CC2D2A: variants seen among roughly 807,000 people sequenced by gnomAD.
CC2D2A encodes the protein coiled-coil and C2 domain-containing protein 2A.
Under a neutral mutation model 212.9 loss-of-function variants are expected in CC2D2A, and 155 were observed. That is an observed-to-expected ratio of 0.73 (90% CI 0.64 to 0.83). The LOEUF (loss-of-function observed/expected upper bound fraction) is 0.83. Among genes scored for constraint, CC2D2A ranks in the 40% least tolerant of loss-of-function variants. The probability of loss-of-function intolerance (pLI) is 0.00; values close to 1 mark genes in which losing one functional copy is unlikely to be tolerated. For missense variants in CC2D2A, 1,856 were observed against 1,956.2 expected (o/e 0.95, Z 0.97); for synonymous variants, 667 against 686.5 (o/e 0.97, Z 0.44).
intron 4 of CC2D2A, among the ~76,000 whole-genome samples, chr4:15,488,383 T>G (rs982131366): frequency 1.3e-5 from 2 of 152,230 alleles, no homozygotes; most frequent in Non-Finnish European, 2.9e-5. Flanking sequence ...GCACTTTGAA[T>G]ATATCATCCC....
At chr4:15,494,764 A>AT (rs1007451277) in intron 4 of CC2D2A, among the ~76,000 whole-genome samples, 1 of 151,976 alleles carries the variant, frequency 6.6e-6, no homozygotes, top group Non-Finnish European at 1.5e-5. Context: ...CACTAATTAC[A>AT]TTTTTTTTAA....
intron 31 of CC2D2A, among the ~76,000 whole-genome samples, chr4:15,587,355 G>A (rs1461158745): frequency 1.3e-5 from 2 of 152,122 alleles, no homozygotes; most frequent in Non-Finnish European, 2.9e-5. Context: ...CCACAGCTGG[G>A]GGACTGGGGA....
In CC2D2A at chr4:15,528,681, T is replaced by C. The variant is rs1717642391; in HGVS notation, c.1421T>C (p.Leu474Pro). Residue 474 changes from leucine (L) to proline (P), a missense_variant, in exon 13 of 37, where the codon CTC becomes CCC. Physicochemically the swap from Leu to Pro is moderately conservative, Grantham distance 98. Around this residue, in one of 5 missense-constraint regions of CC2D2A, gnomAD observed 1,512 missense variants for 1,579.3 expected, o/e 0.96. Transcript: ENST00000424120. Reference sequence around the variant, plus strand: ...GATCCAGAAAAACCTCATCAGTCTCTCGATACCATCCAAAAAACCATCAAT... The same window carrying C: ...GATCCAGAAAAACCTCATCAGTCTCCCGATACCATCCAAAAAACCATCAAT... Reference protein sequence around the residue: ...GLDPEKPHQSLDTIQKTINEY... With the variant: ...GLDPEKPHQSPDTIQKTINEY... The C allele has an allele frequency of 6.2e-7, 1 of 1,613,656 alleles. No homozygotes were observed. Among genetic ancestry groups the C allele is most frequent in the African/African-American group, 1.3e-5 (1 of 75,048 alleles).
rs1409338849 is a variant in CC2D2A at position 15,570,432 on chromosome 4, G to A, written c.3530G>A (p.Arg1177His). 19 of 1,607,734 alleles carry A rather than the reference G, an allele frequency of 1.2e-5. No individual in the cohort carries two copies. Among genetic ancestry groups the A allele is most frequent in the East Asian group, 6.7e-5 (3 of 44,794 alleles). Residue 1177 changes from arginine to histidine, a missense_variant, in exon 28 of 37, where the codon CGT (arginine) becomes CAT (histidine). Arg to His is a conservative substitution (Grantham distance 29, BLOSUM62 0). This residue lies in a region of CC2D2A where 1,512 missense variants were observed against 1,579.3 expected (regional missense o/e 0.96). Coordinates refer to ENST00000424120, the MANE Select transcript of CC2D2A (RefSeq NM_001378615.1). ...DRERGSGIHT[R>H]IERHWLGCVK... ...GAAAGAGGAAGTGGAATCCATACTC[G>A]TATTGAGAGACACTGGCTGGGATGT...
At chr4:15,599,937 TAC>T (rs1721508537) in intron 36 of CC2D2A, among the ~76,000 whole-genome samples, 1 of 152,188 alleles carries the variant, frequency 6.6e-6, no homozygotes, top group Non-Finnish European at 1.5e-5. Flanking sequence ...TTTTATGAAA[TAC>T]ATTTACGTAT....
chr4:15,541,886 A>G (rs1289909725), intron 17 of CC2D2A, among the ~76,000 whole-genome samples: 2 of 152,138 alleles, frequency 1.3e-5, no homozygotes, highest in Admixed American at 6.5e-5. Flanking sequence ...GTGTTTACTC[A>G]CAGTTCTGGA....
intron 4 of CC2D2A, among the ~76,000 whole-genome samples, chr4:15,482,723 A>G (rs1371538851): frequency 6.6e-6 from 1 of 152,152 alleles, no homozygotes; most frequent in African/African-American, 2.4e-5. Flanking sequence ...TAGCACAACT[A>G]CTGGATATTT....
Position 15,559,201 on chromosome 4 carries a change from G to A in CC2D2A, c.2866G>A (p.Glu956Lys), listed in dbSNP as rs1469417699. 6.4e-7 allele frequency: 1 copy of A among 1,552,472 alleles called. No homozygotes were observed. Among genetic ancestry groups the A allele is most frequent in the Non-Finnish European group, 8.7e-7 (1 of 1,148,062 alleles). ...EKRLRDRNVI[E>K]TKEHIDTHRA... The stretch of plus-strand genomic sequence containing the variant: ...ACGGTTACGAGACAGAAATGTAATA[G>A]AAACCAAGGAACACATAGACACCCA... Residue 956 changes from glutamate to lysine, a missense_variant, in exon 22 of 37, where the codon GAA (glutamate) becomes AAA (lysine). Around this residue, in one of 5 missense-constraint regions of CC2D2A, gnomAD observed 1,512 missense variants for 1,579.3 expected, o/e 0.96. Coordinates refer to ENST00000424120, the MANE Select transcript of CC2D2A (RefSeq NM_001378615.1).
chr4:15,564,114 T>C (rs1233877604), intron 24 of CC2D2A: 7 of 152,552 alleles, frequency 4.6e-5, no homozygotes, highest in African/African-American at 1.2e-4. Context: ...TTCCCTTTCA[T>C]CTGTTCGGAG....
rs1190505533 is a variant in CC2D2A, at chr4:15,576,628, CTAAG to C, written c.3771+2305_3771+2308del. The C allele has an allele frequency of 1.6e-3, 246 of 152,814 alleles. 1 individual carries two copies. Among genetic ancestry groups the C allele is most frequent in the Non-Finnish European group, 2.6e-4 (18 of 68,176 alleles). The allele number at this position is 152,814 out of a possible 1,614,324, so 9.5% of individuals were successfully genotyped here. On this transcript the variant is annotated intron_variant, in intron 29 of 36. Transcript: ENST00000424120. The stretch of plus-strand genomic sequence containing the variant: ...GATGAGTAACATGCTTAAGAAGGTA[CTAAG>C]TATTTTGTTTTACTATTTTATTGGT...
At chr4:15,519,867 T>A in intron 11 of CC2D2A, 1 of 287,200 alleles carries the variant, frequency 3.5e-6, no homozygotes, top group Non-Finnish European at 7.0e-6. Flanking sequence ...CAATTCAAGA[T>A]GAGTTTTGGG....
chr4:15,483,619 T>C (rs921057801), intron 4 of CC2D2A, among the ~76,000 whole-genome samples: 3 of 152,214 alleles, frequency 2.0e-5, no homozygotes, highest in Non-Finnish European at 4.4e-5. Flanking sequence ...AACTCCTCTT[T>C]ATCTCACTTT....
At chr4:15,589,740 TATTG>T in intron 33 of CC2D2A, 61 bp downstream of exon 33, 1 of 1,204,978 alleles carries the variant, frequency 8.3e-7, no homozygotes, top group East Asian at 3.1e-5. Flanking sequence ...ATAACTGACC[TATTG>T]ATTTAAATAT....
intron 34 of CC2D2A, among the ~76,000 whole-genome samples, chr4:15,596,787 T>G (rs1363738353): frequency 6.6e-6 from 1 of 152,240 alleles, no homozygotes. Context: ...ATATACAAGA[T>G]TTTTAGTAGG....
intron 16 of CC2D2A, 151 bp from the exon 17 acceptor site, chr4:15,540,686 G>T: frequency 1.6e-6 from 1 of 643,846 alleles, no homozygotes. Flanking sequence ...TACTCTGCAA[G>T]ACCTGTGGCT....
At chr4:15,523,056 G>A (rs546715267) in intron 11 of CC2D2A, among the ~76,000 whole-genome samples, 4 of 151,730 alleles carry the variant, frequency 2.6e-5, no homozygotes, top group Non-Finnish European at 5.9e-5. Context: ...GAAGGTTGCA[G>A]TGAGCAGAGA....
intron 30 of CC2D2A, among the ~76,000 whole-genome samples, chr4:15,585,048 A>G (rs1720803780): frequency 1.3e-5 from 2 of 152,326 alleles, no homozygotes; most frequent in South Asian, 4.1e-4. Flanking sequence ...GTTGGTAGGA[A>G]TGTAAATTAA....
At chr4:15,525,911 G>A (rs530355688) in intron 11 of CC2D2A, among the ~76,000 whole-genome samples, 10 of 152,248 alleles carry the variant, frequency 6.6e-5, no homozygotes, top group African/African-American at 2.4e-4. Flanking sequence ...TGGAATGTGG[G>A]GTAATGCAGA....
chr4:15,496,440 G>A (rs1159905573), intron 4 of CC2D2A, among the ~76,000 whole-genome samples: 2 of 151,996 alleles, frequency 1.3e-5, no homozygotes, highest in Non-Finnish European at 1.5e-5. Flanking sequence ...TCTGCACATG[G>A]CTAGCCAGTT....
Sources: gnomAD v4.1 joint callset for allele counts (sites outside exome capture counted in the v4.1 genomes callset) on GRCh38, gnomAD v4.1.1 for gene constraint, gnomAD v4.1.1 regional missense constraint, MANE v1.5 for transcripts, NCBI Gene and HGNC (gene_info 2026-07-23, HGNC 2026-07-21) for gene names.